Variants in NBEA observed in about 807,000 individuals in gnomAD.
NBEA encodes lysosomal-trafficking regulator 2.
Under a neutral mutation model 343.4 loss-of-function variants are expected in NBEA, and 44 were observed. The observed-to-expected ratio is 0.13, with a 90% confidence interval of 0.10 to 0.16. NBEA has a LOEUF of 0.16. NBEA is among the 10% of genes least tolerant of loss of function. NBEA has a pLI of 1.00. For synonymous variants in NBEA, 1,175 were observed against 1,238.7 expected (o/e 0.95, Z 1.08); for missense variants, 2,555 against 3,631.3 (o/e 0.70, Z 7.62).
intron 38 of NBEA, among the ~76,000 whole-genome samples, chr13:35,397,828 G>A (rs2042816252): frequency 6.6e-6 from 1 of 152,158 alleles, no homozygotes; most frequent in Non-Finnish European, 1.5e-5. Flanking sequence ...ACTTCAGCAA[G>A]TTATAATCTT....
chr13:34,968,345 G>GT (rs541789344), intron 1 of NBEA, among the ~76,000 whole-genome samples: 2 of 151,806 alleles, frequency 1.3e-5, no homozygotes, highest in African/African-American at 2.4e-5. Context: ...CACTTGCTTA[G>GT]TTTTTTTTGA....
intron 10 of NBEA, among the ~76,000 whole-genome samples, chr13:35,083,973 CAAAG>C (rs904326961): frequency 6.6e-6 from 1 of 151,912 alleles, no homozygotes; most frequent in Non-Finnish European, 1.5e-5. Context: ...TCAAAAGAGA[CAAAG>C]AAGGCCATTA....
At chr13:35,157,927 C>T (rs1344613247) in intron 21 of NBEA, among the ~76,000 whole-genome samples, 1 of 152,010 alleles carries the variant, frequency 6.6e-6, no homozygotes, top group African/African-American at 2.4e-5. Context: ...TTTTAGGAGA[C>T]TCATTAAGTC....
chr13:35,182,274 A>G, intron 28 of NBEA, 86 bp from the exon 29 acceptor site: 1 of 1,196,776 alleles, frequency 8.4e-7, no homozygotes, highest in Non-Finnish European at 1.1e-6. Flanking sequence ...GCCTCCATAA[A>G]GATAATAAAA....
chr13:35,551,742 C>T (rs1027730421), intron 43 of NBEA, among the ~76,000 whole-genome samples: 8 of 152,102 alleles, frequency 5.3e-5, no homozygotes, highest in Non-Finnish European at 1.2e-4. Context: ...ATGTCAGAAC[C>T]CTGTTGGCTT....
intron 39 of NBEA, among the ~76,000 whole-genome samples, chr13:35,445,810 A>ATATATATATATG (rs2045995052): frequency 1.5e-5 from 2 of 135,474 alleles, no homozygotes; most frequent in African/African-American, 5.3e-5. Context: ...ATATATATAT[A>ATATATATATATG]TATATATGTA....
chr13:35,223,499 TTCTTA>T (rs1454609031), intron 33 of NBEA, among the ~76,000 whole-genome samples: 5 of 152,218 alleles, frequency 3.3e-5, no homozygotes, highest in African/African-American at 1.2e-4. Context: ...GAGAATGTCA[TTCTTA>T]TCTTTGTTCC....
In NBEA at chr13:34,943,108, C is replaced by G; in HGVS notation, c.288C>G (p.Leu96=). 6.2e-7 allele frequency: 1 copy of G among 1,613,470 alleles called. No individual in the cohort carries two copies. The change falls in exon 1 of 59, where the codon CTC becomes CTG. Residue 96 remains leucine, a synonymous_variant. Coordinates refer to ENST00000379939, the MANE Select transcript of NBEA (RefSeq NM_001385012.1). ...ACAGGGACATCGTGGAGACGGTGCT[C>G]AACCTGGTAAGGAAAAGGCGTGCTC... is the stretch of plus-strand genomic sequence containing the variant. The part of the protein sequence containing the change: ...VSNRDIVETV[L]NLLVGGEFDL...
At chr13:35,273,595 A>T (rs1215420800) in intron 34 of NBEA, among the ~76,000 whole-genome samples, 1 of 152,172 alleles carries the variant, frequency 6.6e-6, no homozygotes, top group Non-Finnish European at 1.5e-5. Flanking sequence ...TGAAAAGATC[A>T]ACAAAATAGA....
At chr13:35,185,580 G>A (rs573583131) in intron 30 of NBEA, 1 of 152,120 alleles carries the variant, frequency 6.6e-6, no homozygotes, top group Admixed American at 6.6e-5. Flanking sequence ...CTGGTGGAGT[G>A]TGTTCCAAAG....
At chr13:35,369,096 A>G (rs117161459) in intron 38 of NBEA, among the ~76,000 whole-genome samples, 4,685 of 148,748 alleles carry the variant, frequency 0.031, 91 homozygotes, top group South Asian at 0.054. Flanking sequence ...CTTTTTTTAT[A>G]TAGTGAGAGA....
At chr13:35,440,385 C>G (rs557876625) in intron 39 of NBEA, among the ~76,000 whole-genome samples, 2 of 152,148 alleles carry the variant, frequency 1.3e-5, no homozygotes, top group African/African-American at 4.8e-5. Context: ...AGTGTACACA[C>G]AATCACATTT....
chr13:35,292,003 C>T (rs2035831002), intron 35 of NBEA, among the ~76,000 whole-genome samples: 1 of 151,902 alleles, frequency 6.6e-6, no homozygotes. Flanking sequence ...TGATTAAATG[C>T]ACCTCATTTA....
At chr13:35,477,048 T>C (rs2075906734) in intron 41 of NBEA, 1 of 167,602 alleles carries the variant, frequency 6.0e-6, no homozygotes, top group East Asian at 1.9e-4. Flanking sequence ...ATTAGTGATC[T>C]TGACGGGGTT....
At chr13:35,080,224 C>A (rs2064318632) in intron 10 of NBEA, among the ~76,000 whole-genome samples, 1 of 151,946 alleles carries the variant, frequency 6.6e-6, no homozygotes, top group South Asian at 2.1e-4. Context: ...AACTTTTGTC[C>A]CTCCTAGTAC....
At chr13:35,049,680 A>G (rs1322016457) in intron 5 of NBEA, among the ~76,000 whole-genome samples, 2 of 151,810 alleles carry the variant, frequency 1.3e-5, no homozygotes, top group Non-Finnish European at 3.0e-5. Context: ...TGCATTTTTC[A>G]GTGATTAAAC....
intron 41 of NBEA, chr13:35,475,280 G>C (rs756571659): frequency 6.2e-7 from 1 of 1,614,066 alleles, no homozygotes; most frequent in Non-Finnish European, 8.5e-7. Flanking sequence ...TCCGACTCTC[G>C]GGGATGCTTT....
intron 1 of NBEA, among the ~76,000 whole-genome samples, chr13:34,951,583 C>G (rs995237141): frequency 2.6e-5 from 4 of 152,188 alleles, no homozygotes; most frequent in African/African-American, 9.7e-5. Context: ...AGATCATGAT[C>G]TCCTGCTGAA....
chr13:35,412,851 C>T (rs933704937), intron 38 of NBEA, among the ~76,000 whole-genome samples: 14 of 152,094 alleles, frequency 9.2e-5, no homozygotes, highest in African/African-American at 3.4e-4. Context: ...ATTCTGCCAC[C>T]AGCTAGTTGT....
Sources: allele counts gnomAD v4.1 joint callset (sites outside exome capture counted in the v4.1 genomes callset), GRCh38; gene constraint gnomAD v4.1.1; transcripts MANE v1.5; gene names NCBI Gene and HGNC (gene_info 2026-07-23, HGNC 2026-07-21).